The following EFR3B variants were observed in gnomAD, a reference collection of about 807,000 sequenced individuals.
EFR3B encodes protein EFR3 homolog B.
EFR3B carries 64 observed loss-of-function variants against 104.7 expected under a neutral mutation model. The observed-to-expected ratio is 0.61, with a 90% confidence interval of 0.50 to 0.75. The LOEUF is 0.75. EFR3B is among the 30% of genes least tolerant of loss of function. EFR3B has a pLI of 0.00. For synonymous variants in EFR3B, 385 were observed against 417.9 expected (o/e 0.92, Z 0.96); for missense variants, 750 against 1,078.5 (o/e 0.70, Z 4.27).
Position 25,057,190 on chromosome 2 carries a change from T to C in EFR3B, c.7+14871T>C, listed in dbSNP as rs147832678. Among the ~76,000 whole-genome samples, 31 of 152,258 alleles carry C rather than the reference T, an allele frequency of 2.0e-4. No individual in the cohort carries two copies. The East Asian group carries it at 5.2e-3, about 26-fold the overall frequency. On this transcript the variant is annotated intron_variant, in intron 1 of 22. Coordinates refer to ENST00000403714, the MANE Select transcript of EFR3B (RefSeq NM_014971.2). Reference sequence around the variant, plus strand: ...TAATTCTCCCTTTGTGAATTCAGTGTCTGTTGTAGAGGTCCTGTCTAATGG... The same window carrying C: ...TAATTCTCCCTTTGTGAATTCAGTGCCTGTTGTAGAGGTCCTGTCTAATGG...
chr2:25,122,149 T>C (rs1487428507), intron 5 of EFR3B, among the ~76,000 whole-genome samples: 1 of 152,076 alleles, frequency 6.6e-6, no homozygotes, highest in Non-Finnish European at 1.5e-5. Flanking sequence ...GTATTTTTAG[T>C]AGAGATGGGG....
At chr2:25,104,808 G>A (rs867027822) in intron 4 of EFR3B, among the ~76,000 whole-genome samples, 1 of 152,212 alleles carries the variant, frequency 6.6e-6, no homozygotes, top group Non-Finnish European at 1.5e-5. Flanking sequence ...TCAGTACCAT[G>A]AGCAGGTTCA....
In EFR3B at chr2:25,131,742, G is replaced by C; in HGVS notation, c.986-8G>C. On this transcript the variant is annotated splice_region_variant and splice_polypyrimidine_tract_variant and intron_variant, in intron 9 of 22. Coordinates refer to ENST00000403714, the MANE Select transcript of EFR3B (RefSeq NM_014971.2). The surrounding 1 kb of genome is among the most constrained non-coding windows in gnomAD (Gnocchi z 7.6). ...TGGATCTCGGGTGTCCCGCCCCACCGCTCTCAGGGCCCACAGTACTGGAGA... is the reference window on the plus strand; with the variant it reads ...TGGATCTCGGGTGTCCCGCCCCACCCCTCTCAGGGCCCACAGTACTGGAGA... 1 of 1,492,980 alleles carries C rather than the reference G, an allele frequency of 6.7e-7. No homozygotes were observed. Among genetic ancestry groups the C allele is most frequent in the Non-Finnish European group, 9.0e-7 (1 of 1,115,914 alleles). The allele number at this position is 1,492,980 out of a possible 1,614,324, so 92.5% of individuals were successfully genotyped here. A position where few individuals can be genotyped will look rare whatever the true frequency, so the allele number is the denominator to read the frequency against.
intron 16 of EFR3B, 100 bp from the exon 17 acceptor site, chr2:25,141,266 G>A: frequency 1.6e-6 from 2 of 1,261,902 alleles, no homozygotes; most frequent in Non-Finnish European, 2.2e-6. Flanking sequence ...GAGGCTGTGG[G>A]AGGGAGGAAG....
intron 4 of EFR3B, among the ~76,000 whole-genome samples, chr2:25,109,035 T>C (rs1211503445): frequency 2.0e-5 from 3 of 151,608 alleles, no homozygotes; most frequent in Non-Finnish European, 4.4e-5. Flanking sequence ...TAAATTAAAA[T>C]TAAAACTTGT....
intron 19 of EFR3B, chr2:25,146,944 C>T (rs1458568575): frequency 2.6e-5 from 4 of 152,336 alleles, no homozygotes; most frequent in African/African-American, 9.6e-5. Context: ...TCTGCCATTT[C>T]ATTTTTCCCC....
intron 1 of EFR3B, among the ~76,000 whole-genome samples, chr2:25,064,216 C>T (rs1310678369): frequency 6.6e-6 from 1 of 152,202 alleles, no homozygotes; most frequent in Non-Finnish European, 1.5e-5. Context: ...TCTGGCACTG[C>T]GTGCATGCTG....
chr2:25,105,907 A>G (rs1277941765), intron 4 of EFR3B, among the ~76,000 whole-genome samples: 1 of 152,220 alleles, frequency 6.6e-6, no homozygotes. Flanking sequence ...TCAGCCAGAG[A>G]GCAAGCTGAC....
chr2:25,049,291 G>A (rs572302543), intron 1 of EFR3B, among the ~76,000 whole-genome samples: 42 of 152,200 alleles, frequency 2.8e-4, no homozygotes, highest in Middle Eastern at 3.4e-3. Context: ...TTAGTAAATC[G>A]TCATGGGAGT....
intron 3 of EFR3B, among the ~76,000 whole-genome samples, chr2:25,103,401 G>A (rs889115125): frequency 2.6e-5 from 4 of 152,218 alleles, no homozygotes; most frequent in African/African-American, 7.2e-5. Flanking sequence ...TCTGTAAAAG[G>A]AGGGGCTGGA....
intron 12 of EFR3B, 68 bp from the exon 13 acceptor site, chr2:25,135,399 C>G: frequency 1.3e-6 from 2 of 1,525,296 alleles, no homozygotes; most frequent in South Asian, 1.2e-5. Flanking sequence ...TCTGGCTGCT[C>G]CTCCATCTCC....
chr2:25,091,206 T>G, intron 1 of EFR3B, 119 bp from the exon 2 acceptor site: 2 of 906,442 alleles, frequency 2.2e-6, no homozygotes, highest in Non-Finnish European at 3.4e-6. Context: ...AAGGGAGGGG[T>G]CTGTCTGATT....
intron 1 of EFR3B, among the ~76,000 whole-genome samples, chr2:25,090,824 C>T (rs1010195246): frequency 6.6e-6 from 1 of 152,252 alleles, no homozygotes; most frequent in African/African-American, 2.4e-5. Context: ...TAGGGGCAAA[C>T]GAGGTGGCAG....
chr2:25,123,701 A>T (rs1020553416), intron 5 of EFR3B, among the ~76,000 whole-genome samples: 1 of 152,260 alleles, frequency 6.6e-6, no homozygotes, highest in Non-Finnish European at 1.5e-5. Context: ...GACCATGGCC[A>T]CATATGTCTG....
rs1339602189 is a variant in EFR3B at position 25,061,819 on chromosome 2, A to AC, written c.7+19500_7+19501insC. ...CCTACTTGTTAAAAAAAAAAAACAAAAAACTAATGCCACACCAGGGAGCCA... is the reference window on the plus strand; with the variant it reads ...CCTACTTGTTAAAAAAAAAAAACAAACAAACTAATGCCACACCAGGGAGCCA... On this transcript the variant is annotated intron_variant, in intron 1 of 22. Coordinates refer to ENST00000403714, the MANE Select transcript of EFR3B (RefSeq NM_014971.2). Among the ~76,000 whole-genome samples the AC allele has an allele frequency of 1.8e-3, 267 of 152,196 alleles. 1 individual carries two copies. Among genetic ancestry groups the AC allele is most frequent in the African/African-American group, 5.8e-3 (243 of 41,540 alleles).
At chr2:25,103,596 G>A in intron 3 of EFR3B, 41 bp from the exon 4 acceptor site, 2 of 1,532,772 alleles carry the variant, frequency 1.3e-6, no homozygotes, top group Non-Finnish European at 1.8e-6. Flanking sequence ...CCATGGGGTG[G>A]CAGGGGCGCG....
chr2:25,063,103 A>G, intron 1 of EFR3B, among the ~76,000 whole-genome samples: 1 of 97,958 alleles, frequency 1.0e-5, no homozygotes. Flanking sequence ...ACCCCTGGCT[A>G]ATTTTTTTGT....
chr2:25,145,193 T>C, intron 19 of EFR3B, 142 bp downstream of exon 19: 1 of 722,080 alleles, frequency 1.4e-6, no homozygotes. Context: ...GTACTGACTC[T>C]CCCCACGTAT....
intron 1 of EFR3B, among the ~76,000 whole-genome samples, chr2:25,065,456 G>A (rs904514851): frequency 6.6e-6 from 1 of 150,678 alleles, no homozygotes; most frequent in Non-Finnish European, 1.5e-5. Context: ...CTCCCAAAGT[G>A]CTGAGATTAC....
Sources: gnomAD v4.1 joint callset for allele counts (sites outside exome capture counted in the v4.1 genomes callset) on GRCh38, gnomAD v4.1.1 for gene constraint, Gnocchi (gnomAD v3.1) non-coding constraint, MANE v1.5 for transcripts, NCBI Gene and HGNC (gene_info 2026-07-23, HGNC 2026-07-21) for gene names.